Variants in KLHDC3 observed in about 807,000 individuals in gnomAD.
The protein encoded by KLHDC3 is kelch domain containing 3.
In KLHDC3, 5 loss-of-function variants were observed where a neutral mutation model predicts 44.1. The ratio of observed to expected loss-of-function variants is 0.11; its 90% CI spans 0.06 to 0.24. KLHDC3 has a LOEUF of 0.24. KLHDC3 is among the 10% of genes least tolerant of loss of function. The probability of loss-of-function intolerance (pLI) is 1.00; values close to 1 mark genes in which losing one functional copy is unlikely to be tolerated. For synonymous variants in KLHDC3, 170 were observed against 189.0 expected, an observed-to-expected ratio of 0.90 and a Z score of 0.82; for missense variants, 247 against 514.3, an observed-to-expected ratio of 0.48 and a Z score of 5.03.
At position 43,017,387 on chromosome 6, in the gene KLHDC3, G is replaced by T; in HGVS notation, c.154+41G>T. The T allele has an allele frequency of 1.3e-6, 2 of 1,590,784 alleles. No homozygotes were observed. The highest frequency in any genetic ancestry group is 1.7e-6 in the Non-Finnish European group (2 of 1,164,880). On this transcript the variant is annotated intron_variant, in intron 2 of 10. Transcript: ENST00000326974. This position sits in a 1 kb window ranked among gnomAD's most constrained non-coding sequence, Gnocchi z 6.0. ...GGCTGTCCCTGGGTCCCCACATCAG[G>T]GTGGGAACGGGCTGCTGATGAGGTT...
Position 43,020,841 on chromosome 6 carries a change from G to C in KLHDC3, c.*108G>C. 1 of 874,294 alleles carries C rather than the reference G, an allele frequency of 1.1e-6. No homozygotes were observed. Among genetic ancestry groups the C allele is most frequent in the South Asian group, 1.4e-5 (1 of 73,444 alleles). 54.2% of individuals were successfully genotyped at this position (874,294 alleles called of 1,614,324 possible). A position where few individuals can be genotyped will look rare whatever the true frequency, so the allele number is the denominator to read the frequency against. ...ACCCCTGGACTTGGTATACCTCCAT[G>C]TGGAGTTGTTGGGCGAGAGGTGTTC... On this transcript the variant is annotated 3_prime_UTR_variant, in exon 11 of 11. Coordinates refer to ENST00000326974, the MANE Select transcript of KLHDC3 (RefSeq NM_057161.4).
In KLHDC3 at chr6:43,021,257, C is replaced by T. The variant is rs1383487405; in HGVS notation, c.*524C>T. The T allele has an allele frequency of 5.5e-6, 2 of 364,034 alleles. No homozygotes were observed. The highest frequency in any genetic ancestry group is 1.1e-5 in the Non-Finnish European group (2 of 184,568). The allele number at this position is 364,034 out of a possible 1,614,324, so 22.6% of individuals were successfully genotyped here. On this transcript the variant is annotated 3_prime_UTR_variant, in exon 11 of 11. Transcript: ENST00000326974. ...CTGTCGCTGTACTCTGAAGTTCAGCCAGCTCAGATTTTATAAAAATTAATT... is the reference window on the plus strand; with the variant it reads ...CTGTCGCTGTACTCTGAAGTTCAGCTAGCTCAGATTTTATAAAAATTAATT...
intron 10 of KLHDC3, 132 bp from the exon 11 acceptor site, chr6:43,020,535 G>C (rs1169575624): frequency 2.9e-6 from 2 of 688,708 alleles, no homozygotes; most frequent in African/African-American, 3.6e-5. Flanking sequence ...GGTCTCTTAA[G>C]TAAGAGGTGG....
chr6:43,017,844 C>T lies in KLHDC3; in HGVS notation c.332-9C>T, dbSNP rs563272059. On this transcript the variant is annotated splice_polypyrimidine_tract_variant and intron_variant, in intron 3 of 10. Transcript: ENST00000326974. This position sits in a 1 kb window ranked among gnomAD's most constrained non-coding sequence, Gnocchi z 6.0. ...GTGCTTAGTTGAGCCATTTTCTCAT[C>T]TCCTTCAGATACGCACAAGTGGTTC... 1.2e-6 allele frequency: 2 copies of T among 1,611,090 alleles called. No homozygotes were observed. The highest frequency in any genetic ancestry group is 1.3e-5 in the African/African-American group (1 of 74,938).
Position 43,021,168 on chromosome 6 carries a change from G to A in KLHDC3, c.*435G>A, listed in dbSNP as rs1328172194. On this transcript the variant is annotated 3_prime_UTR_variant, in exon 11 of 11. Transcript: ENST00000326974. ...TGAAAGGAGTTGCAGCTGTTGGCATGAGACCTCCTTCTCCCCGTCTTGGGG... is the reference window on the plus strand; with the variant it reads ...TGAAAGGAGTTGCAGCTGTTGGCATAAGACCTCCTTCTCCCCGTCTTGGGG... 1 of 460,390 alleles carries A rather than the reference G, an allele frequency of 2.2e-6. No individual in the cohort carries two copies. Among genetic ancestry groups the A allele is most frequent in the Non-Finnish European group, 4.3e-6 (1 of 230,310 alleles). The allele number at this position is 460,390 out of a possible 1,614,324, so 28.5% of individuals were successfully genotyped here. A position where few individuals can be genotyped will look rare whatever the true frequency, so the allele number is the denominator to read the frequency against.
At position 43,018,222 on chromosome 6, in the gene KLHDC3, C is replaced by G; in HGVS notation, c.519+6C>G. The G allele has an allele frequency of 6.2e-7, 1 of 1,604,904 alleles. No individual in the cohort carries two copies. The highest frequency in any genetic ancestry group is 8.5e-7 in the Non-Finnish European group (1 of 1,171,796). ...GGACTCTTATCTGTACAAAGGTCTG[C>G]TCTTTCTTTTTTTTCCCAAATCCCC... On this transcript the variant is annotated splice_donor_region_variant and intron_variant, in intron 5 of 10. Transcript: ENST00000326974. The surrounding 1 kb of genome is among the most constrained non-coding windows in gnomAD (Gnocchi z 6.0).
intron 1 of KLHDC3, 139 bp downstream of exon 1, chr6:43,014,487 A>C: frequency 2.0e-6 from 1 of 494,660 alleles, no homozygotes; most frequent in Admixed American, 2.3e-5. Context: ...GGGAAAGGAG[A>C]GTGTTAATGG....
rs749852518 is a variant in KLHDC3 at position 43,018,559 on chromosome 6, G to A, written c.733+3G>A. ...GGGGCGCCGGAGCCACTCGGCCTGT[G>A]AGTGTTTGTTACTTCCCTGTGGAGT... is the stretch of plus-strand genomic sequence containing the variant. On this transcript the variant is annotated splice_donor_region_variant and intron_variant, in intron 6 of 10. Transcript: ENST00000326974. The surrounding 1 kb of genome is among the most constrained non-coding windows in gnomAD (Gnocchi z 6.0). The A allele has an allele frequency of 1.9e-6, 3 of 1,613,788 alleles. No homozygotes were observed. The highest frequency in any genetic ancestry group is 2.5e-6 in the Non-Finnish European group (3 of 1,179,904).
chr6:43,020,631 C>T, intron 10 of KLHDC3, 36 bp from the exon 11 acceptor site: 2 of 1,555,662 alleles, frequency 1.3e-6, no homozygotes, highest in African/African-American at 1.4e-5. Flanking sequence ...GCTGAGGGCC[C>T]CCTCTTCTTT....
At position 43,020,685 on chromosome 6, in the gene KLHDC3, G is replaced by A; in HGVS notation, c.1101G>A (p.Met367Ile). 1.9e-6 allele frequency: 3 copies of A among 1,613,784 alleles called. No homozygotes were observed. The highest frequency in any genetic ancestry group is 1.7e-6 in the Non-Finnish European group (2 of 1,179,878). Reference protein sequence around the residue: ...PHDIRWELNAMTTNSNISRPI... With the variant: ...PHDIRWELNAITTNSNISRPI... ...CTTCCAGGTGGGAGCTGAATGCCAT[G>A]ACCACCAACAGCAATATCAGTCGCC... The change falls in exon 11 of 11, where the codon ATG becomes ATA. Residue 367 changes from methionine (M) to isoleucine (I), a missense_variant. Transcript: ENST00000326974.
Position 43,017,330 on chromosome 6 carries a change from G to A in KLHDC3, c.138G>A (p.Val46=), listed in dbSNP as rs1762601911. 1.2e-6 allele frequency: 2 copies of A among 1,613,430 alleles called. No homozygotes were observed. The highest frequency in any genetic ancestry group is 1.7e-6 in the Non-Finnish European group (2 of 1,179,558). Residue 46 remains valine, a synonymous_variant, in exon 2 of 11, where the codon GTG becomes GTA. Coordinates refer to ENST00000326974, the MANE Select transcript of KLHDC3 (RefSeq NM_057161.4). The surrounding 1 kb of genome is among the most constrained non-coding windows in gnomAD (Gnocchi z 6.0). ...ATGAGACACTGCGTCAGATAGATGT[G>A]CACATTTTCAATGCAGGTAAGCCAA... ...EDYETLRQID[V]HIFNAVSLRW...
chr6:43,018,147 G>C lies in KLHDC3; in HGVS notation c.450G>C (p.Ala150=), dbSNP rs761934240. Residue 150 remains alanine (A), a splice_region_variant and synonymous_variant, in exon 5 of 11, where the codon GCG becomes GCC. Transcript: ENST00000326974. The surrounding 1 kb of genome is among the most constrained non-coding windows in gnomAD (Gnocchi z 6.0). The stretch of plus-strand genomic sequence containing the variant: ...CCTCCTTTTCTCTTCCTACTCAGGC[G>C]GACTGTTTTTCCAATGACATTCACA... ...MYIFGGYEQQ[A]DCFSNDIHKL... 2.2e-5 allele frequency: 35 copies of C among 1,604,436 alleles called. No individual in the cohort carries two copies. The highest frequency in any genetic ancestry group is 9.4e-5 in the African/African-American group (7 of 74,578).
At position 43,017,575 on chromosome 6, in the gene KLHDC3, C is replaced by A; in HGVS notation, c.211C>A (p.Pro71Thr). ...PVKSAIRGQAPVVPYMRYGHS... is the reference protein window; with the variant it reads ...PVKSAIRGQATVVPYMRYGHS... Reference sequence around the variant, plus strand: ...GAAGTCTGCCATCCGTGGGCAAGCTCCTGTGGTACCCTACATGCGCTATGG... The same window carrying A: ...GAAGTCTGCCATCCGTGGGCAAGCTACTGTGGTACCCTACATGCGCTATGG... Residue 71 changes from proline to threonine, a missense_variant, in exon 3 of 11, where the codon CCT becomes ACT. Around this residue, in one of 2 missense-constraint regions of KLHDC3, gnomAD observed 71 missense variants for 100.8 expected, o/e 0.70. Transcript: ENST00000326974. The surrounding 1 kb of genome is among the most constrained non-coding windows in gnomAD (Gnocchi z 6.0). 6.2e-7 allele frequency: 1 copy of A among 1,613,560 alleles called. No individual in the cohort carries two copies. The highest frequency in any genetic ancestry group is 8.5e-7 in the Non-Finnish European group (1 of 1,179,698).
chr6:43,017,723 T>G lies in KLHDC3; in HGVS notation c.331+28T>G. 3 of 1,606,556 alleles carry G rather than the reference T, an allele frequency of 1.9e-6. No homozygotes were observed. Among genetic ancestry groups the G allele is most frequent in the Non-Finnish European group, 2.6e-6 (3 of 1,174,794 alleles). ...GAGTATGGATCTCAGAGAGGCTATG[T>G]CCTTCCAGATGTTGCCTCAGTTGCC... On this transcript the variant is annotated intron_variant, in intron 3 of 10. Coordinates refer to ENST00000326974, the MANE Select transcript of KLHDC3 (RefSeq NM_057161.4). This position sits in a 1 kb window ranked among gnomAD's most constrained non-coding sequence, Gnocchi z 6.0.
Position 43,017,754 on chromosome 6 carries a change from A to G in KLHDC3, c.331+59A>G, listed in dbSNP as rs374922429. 1.8e-4 allele frequency: 293 copies of G among 1,599,106 alleles called. 4 individuals are homozygous for G. The South Asian group carries it at 2.9e-3, about 16-fold the overall frequency. On this transcript the variant is annotated intron_variant, in intron 3 of 10. Transcript: ENST00000326974. The surrounding 1 kb of genome is among the most constrained non-coding windows in gnomAD (Gnocchi z 6.0). ...CAGATGTTGCCTCAGTTGCCCAAGAAAGGTTTGGGTTGGGGGTCTTGGGGA... is the reference window on the plus strand; with the variant it reads ...CAGATGTTGCCTCAGTTGCCCAAGAGAGGTTTGGGTTGGGGGTCTTGGGGA...
chr6:43,018,093 G>C lies in KLHDC3; in HGVS notation c.448-52G>C. 1.4e-6 allele frequency: 2 copies of C among 1,424,778 alleles called. No homozygotes were observed. Among genetic ancestry groups the C allele is most frequent in the Non-Finnish European group, 2.0e-6 (2 of 1,007,512 alleles). The allele number at this position is 1,424,778 out of a possible 1,614,324, so 88.3% of individuals were successfully genotyped here. ...TTTTGAGGGGAGGGATGGAGGGTCA[G>C]AGAGTGACCATTGGCTCCCTCTTTT... On this transcript the variant is annotated intron_variant, in intron 4 of 10. Coordinates refer to ENST00000326974, the MANE Select transcript of KLHDC3 (RefSeq NM_057161.4). This position sits in a 1 kb window ranked among gnomAD's most constrained non-coding sequence, Gnocchi z 6.0.
Position 43,017,832 on chromosome 6 carries a change from C to T in KLHDC3, c.332-21C>T. 1 of 1,603,488 alleles carries T rather than the reference C, an allele frequency of 6.2e-7. No individual in the cohort carries two copies. The highest frequency in any genetic ancestry group is 1.3e-5 in the African/African-American group (1 of 74,778). ...CTGTCATAGAGGGTGCTTAGTTGAG[C>T]CATTTTCTCATCTCCTTCAGATACG... On this transcript the variant is annotated intron_variant, in intron 3 of 10. Coordinates refer to ENST00000326974, the MANE Select transcript of KLHDC3 (RefSeq NM_057161.4). This position sits in a 1 kb window ranked among gnomAD's most constrained non-coding sequence, Gnocchi z 6.0.
Position 43,017,813 on chromosome 6 carries a change from T to TA in KLHDC3, c.332-39dup, listed in dbSNP as rs781594902. Reference sequence around the variant, plus strand: ...CCCCAGAGCTGAGGAGGGACTGTCATAGAGGGTGCTTAGTTGAGCCATTTT... The same window carrying TA: ...CCCCAGAGCTGAGGAGGGACTGTCATAAGAGGGTGCTTAGTTGAGCCATTTT... On this transcript the variant is annotated intron_variant, in intron 3 of 10. Transcript: ENST00000326974. This position sits in a 1 kb window ranked among gnomAD's most constrained non-coding sequence, Gnocchi z 6.0. 1.9e-6 allele frequency: 3 copies of TA among 1,592,088 alleles called. No homozygotes were observed. The Admixed American group carries it at 5.0e-5, about 27-fold the overall frequency.
Position 43,014,309 on chromosome 6 carries a change from G to C in KLHDC3, c.-99G>C, listed in dbSNP as rs962371683. The C allele has an allele frequency of 1.2e-5, 8 of 663,962 alleles. 1 individual carries two copies. The South Asian group carries it at 1.5e-4, about 12-fold the overall frequency. 41.1% of individuals were successfully genotyped at this position (663,962 alleles called of 1,614,324 possible). A position where few individuals can be genotyped will look rare whatever the true frequency, so the allele number is the denominator to read the frequency against. On this transcript the variant is annotated 5_prime_UTR_variant, in exon 1 of 11. Coordinates refer to ENST00000326974, the MANE Select transcript of KLHDC3 (RefSeq NM_057161.4). ...CGCAACGGGTTCTAGGCTGCAGGCAGCTCGAGGACCCGCGGCCCCGCCCCG... is the reference window on the plus strand; with the variant it reads ...CGCAACGGGTTCTAGGCTGCAGGCACCTCGAGGACCCGCGGCCCCGCCCCG...
Sources: allele counts gnomAD v4.1 joint callset, GRCh38; gene constraint gnomAD v4.1.1; regional missense constraint gnomAD v4.1.1; non-coding constraint Gnocchi (gnomAD v3.1); transcripts MANE v1.5; gene names NCBI Gene and HGNC (gene_info 2026-07-23, HGNC 2026-07-21).